Variants in ZBTB20 observed in about 807,000 individuals in gnomAD.
ZBTB20 encodes zinc finger and BTB domain containing 20, also known as zinc finger and BTB domain-containing protein 20.
A neutral mutation model predicts 56.9 loss-of-function variants in ZBTB20; 9 were observed. The ratio of observed to expected loss-of-function variants is 0.16; its 90% confidence interval spans 0.10 to 0.28. The LOEUF (loss-of-function observed/expected upper bound fraction) is 0.28, where lower values mean the gene tolerates loss of function less well. ZBTB20 is among the 10% of genes least tolerant of loss of function. ZBTB20 has a pLI of 1.00. For synonymous variants in ZBTB20, 417 were observed against 420.7 expected (o/e 0.99, Z 0.11); for missense variants, 655 against 1,003.0 (o/e 0.65, Z 4.69).
intron 10 of ZBTB20, among the ~76,000 whole-genome samples, chr3:114,370,436 T>C (rs2082874239): frequency 6.6e-6 from 1 of 152,208 alleles, no homozygotes. Flanking sequence ...AAGGTAATCT[T>C]TTCCTAGGTC....
At chr3:114,876,475 T>G (rs2076202709) in intron 4 of ZBTB20, 2 of 152,064 alleles carry the variant, frequency 1.3e-5, no homozygotes, top group South Asian at 4.1e-4. Flanking sequence ...AAATAAAAAT[T>G]TATATTTATA....
chr3:114,403,983 T>G (rs1437252476), intron 7 of ZBTB20, among the ~76,000 whole-genome samples: 1 of 152,162 alleles, frequency 6.6e-6, no homozygotes, highest in African/African-American at 2.4e-5. Flanking sequence ...GTAATAACAT[T>G]TGATGATTCT....
chr3:114,595,614 T>A (rs941575269), intron 6 of ZBTB20, among the ~76,000 whole-genome samples: 35 of 152,206 alleles, frequency 2.3e-4, no homozygotes, highest in Non-Finnish European at 4.3e-4. Context: ...CATTAAGAGT[T>A]CCAGGGTATT....
intron 7 of ZBTB20, among the ~76,000 whole-genome samples, chr3:114,471,059 T>C (rs1008541560): frequency 6.6e-6 from 1 of 152,156 alleles, no homozygotes; most frequent in Non-Finnish European, 1.5e-5. Context: ...TGACATTATT[T>C]TGTGTATAAA....
At chr3:114,829,923 T>A (rs749669147) in intron 4 of ZBTB20, among the ~76,000 whole-genome samples, 5 of 151,892 alleles carry the variant, frequency 3.3e-5, no homozygotes, top group Admixed American at 2.6e-4. Context: ...GAAGGCAGTA[T>A]AAGAAAAATT....
At chr3:114,842,875 T>C (rs2074445437) in intron 4 of ZBTB20, among the ~76,000 whole-genome samples, 1 of 152,208 alleles carries the variant, frequency 6.6e-6, no homozygotes, top group East Asian at 1.9e-4. Flanking sequence ...AGTACTGATA[T>C]GGTTTGGCTC....
intron 6 of ZBTB20, among the ~76,000 whole-genome samples, chr3:114,630,524 C>T (rs2058886940): frequency 6.6e-6 from 1 of 152,296 alleles, no homozygotes; most frequent in Admixed American, 6.5e-5. Context: ...CTGCCACGTA[C>T]TGGAGAAGCT....
At chr3:114,366,867 T>A (rs1008237673) in intron 10 of ZBTB20, 4 of 151,772 alleles carry the variant, frequency 2.6e-5, no homozygotes, top group Non-Finnish European at 4.4e-5. Context: ...GCAGACTGCT[T>A]CAGAATAGAA....
chr3:114,450,152 G>C (rs1323116849), intron 7 of ZBTB20, among the ~76,000 whole-genome samples: 2 of 152,200 alleles, frequency 1.3e-5, no homozygotes, highest in Non-Finnish European at 2.9e-5. Flanking sequence ...CACAGAAGGT[G>C]CCTCTGCGAA....
intron 1 of ZBTB20, among the ~76,000 whole-genome samples, chr3:115,143,961 AC>A (rs2084893181): frequency 6.6e-6 from 1 of 152,200 alleles, no homozygotes; most frequent in Non-Finnish European, 1.5e-5. Flanking sequence ...TCCTCCCCTA[AC>A]AATCTAAAAT....
chr3:114,647,428 A>G (rs2059910389), intron 6 of ZBTB20, among the ~76,000 whole-genome samples: 1 of 152,214 alleles, frequency 6.6e-6, no homozygotes, highest in African/African-American at 2.4e-5. Context: ...AAAGATTCAA[A>G]TAACCAAAAA....
intron 2 of ZBTB20, among the ~76,000 whole-genome samples, chr3:115,058,854 G>A (rs1193883911): frequency 6.6e-6 from 1 of 152,156 alleles, no homozygotes; most frequent in Non-Finnish European, 1.5e-5. Flanking sequence ...ATATTTGTGT[G>A]TCTGTTTCAA....
intron 6 of ZBTB20, among the ~76,000 whole-genome samples, chr3:114,585,468 C>A (rs1168997004): frequency 6.6e-6 from 1 of 152,172 alleles, no homozygotes; most frequent in Non-Finnish European, 1.5e-5. Flanking sequence ...GCATACACAG[C>A]CGTATGTGCA....
In ZBTB20 at chr3:115,116,562, T is replaced by C. The variant is rs72945785; in HGVS notation, c.-703+30657A>G. On this transcript the variant is annotated intron_variant, in intron 1 of 11. Coordinates refer to ENST00000675478, the MANE Select transcript of ZBTB20 (RefSeq NM_001348800.3). ...AGAACTGTTTGATAACTACATTAGA[T>C]TGATAATAAGAGATAACATTTTTGT... Among the ~76,000 whole-genome samples, 1,008 of 152,134 alleles carry C rather than the reference T, an allele frequency of 6.6e-3. 13 individuals are homozygous for C. The highest frequency in any genetic ancestry group is 0.023 in the African/African-American group (976 of 41,550).
At chr3:114,584,847 CA>C (rs1351957359) in intron 6 of ZBTB20, among the ~76,000 whole-genome samples, 1 of 152,076 alleles carries the variant, frequency 6.6e-6, no homozygotes, top group African/African-American at 2.4e-5. Flanking sequence ...TTAAATCAGA[CA>C]AAACACTATC....
intron 4 of ZBTB20, among the ~76,000 whole-genome samples, chr3:114,838,698 C>T (rs982402657): frequency 6.6e-5 from 10 of 151,722 alleles, no homozygotes; most frequent in Non-Finnish European, 7.4e-5. Context: ...ACTTCATATT[C>T]AGAAAAGTAC....
chr3:115,045,891 C>G (rs2081316628), intron 2 of ZBTB20, among the ~76,000 whole-genome samples: 1 of 152,160 alleles, frequency 6.6e-6, no homozygotes, highest in African/African-American at 2.4e-5. Context: ...ACTGCTAGAT[C>G]ACTTGATGAG....
At chr3:115,020,377 A>G (rs1323442394) in intron 2 of ZBTB20, among the ~76,000 whole-genome samples, 2 of 151,150 alleles carry the variant, frequency 1.3e-5, no homozygotes, top group Non-Finnish European at 3.0e-5. Context: ...GTTAAATCCC[A>G]TGAAAGTAGC....
At chr3:114,710,189 A>G (rs1223444624) in intron 5 of ZBTB20, 1 of 152,198 alleles carries the variant, frequency 6.6e-6, no homozygotes, top group African/African-American at 2.4e-5. Context: ...TATATCAGGG[A>G]ATTTTAAAAA....
Sources: gnomAD v4.1 joint callset for allele counts (sites outside exome capture counted in the v4.1 genomes callset) on GRCh38, gnomAD v4.1.1 for gene constraint, MANE v1.5 for transcripts, NCBI Gene and HGNC (gene_info 2026-07-23, HGNC 2026-07-21) for gene names.